The following SLC39A11 variants were observed in gnomAD, a reference collection of about 807,000 sequenced individuals.
SLC39A11 encodes zinc transporter ZIP11.
Under a neutral mutation model 36.1 loss-of-function variants are expected in SLC39A11, and 33 were observed. That is an observed-to-expected ratio of 0.91 (90% CI 0.69 to 1.22). The LOEUF (loss-of-function observed/expected upper bound fraction) is 1.22. Among genes scored for constraint, SLC39A11 ranks in the 50% most tolerant of loss-of-function variants. The pLI, the probability that SLC39A11 is intolerant of heterozygous loss-of-function variation, is 0.00. For synonymous variants in SLC39A11, 166 were observed against 170.3 expected, an observed-to-expected ratio of 0.97 and a Z score of 0.20; for missense variants, 432 against 430.3, an observed-to-expected ratio of 1.00 and a Z score of -0.03.
chr17:72,688,956 C>T (rs564153175), intron 7 of SLC39A11, among the ~76,000 whole-genome samples: 55 of 152,306 alleles, frequency 3.6e-4, no homozygotes, highest in African/African-American at 1.3e-3. Context: ...CCCGCAGGCT[C>T]TGGGTACCTC....
intron 5 of SLC39A11, among the ~76,000 whole-genome samples, chr17:72,927,919 G>T (rs538908709): frequency 6.6e-6 from 1 of 152,130 alleles, no homozygotes; most frequent in South Asian, 2.1e-4. Context: ...AACATTTGTA[G>T]TATCATCCTG....
chr17:72,736,686 A>AT lies in SLC39A11; in HGVS notation c.634dup (p.Ile212AsnfsTer10). The AT allele has an allele frequency of 1.2e-6, 2 of 1,614,088 alleles. No individual in the cohort carries two copies. The highest frequency in any genetic ancestry group is 1.7e-6 in the Non-Finnish European group (2 of 1,179,980). On this transcript the variant is annotated frameshift_variant, in exon 7 of 10. Coordinates refer to ENST00000255559, the MANE Select transcript of SLC39A11 (RefSeq NM_139177.4). LOFTEE classifies it high-confidence loss of function. ...AAAGGTAGCAGATGCCGTCTTTTCTATAGCCCCAAATCCAACTCCAACAGC... is the reference window on the plus strand; with the variant it reads ...AAAGGTAGCAGATGCCGTCTTTTCTATTAGCCCCAAATCCAACTCCAACAGC...
At chr17:72,780,525 G>GC (rs1403591504) in intron 6 of SLC39A11, among the ~76,000 whole-genome samples, 1 of 122,962 alleles carries the variant, frequency 8.1e-6, no homozygotes, top group Admixed American at 8.0e-5. Flanking sequence ...GAAGATGGGG[G>GC]GCGGGTGGGG....
chr17:72,858,289 T>C (rs2079765736), intron 5 of SLC39A11, among the ~76,000 whole-genome samples: 1 of 152,192 alleles, frequency 6.6e-6, no homozygotes, highest in African/African-American at 2.4e-5. Flanking sequence ...TGGTTGTAGA[T>C]GTTCAGCCTT....
At chr17:72,760,816 C>T (rs1020162451) in intron 6 of SLC39A11, among the ~76,000 whole-genome samples, 1 of 152,200 alleles carries the variant, frequency 6.6e-6, no homozygotes, top group Non-Finnish European at 1.5e-5. Flanking sequence ...CATGCCACCT[C>T]CGATGTCACT....
intron 6 of SLC39A11, among the ~76,000 whole-genome samples, chr17:72,836,398 C>A (rs1045124079): frequency 2.6e-5 from 4 of 151,140 alleles, no homozygotes; most frequent in South Asian, 2.1e-4. Flanking sequence ...TGGAGTGCAG[C>A]GGCACGATCT....
At chr17:72,949,394 C>T (rs1475197704) in intron 4 of SLC39A11, among the ~76,000 whole-genome samples, 3 of 151,842 alleles carry the variant, frequency 2.0e-5, no homozygotes, top group Non-Finnish European at 4.4e-5. Flanking sequence ...CTCCTGACCT[C>T]AAGTGATCCA....
chr17:73,045,879 C>T (rs1308138098), intron 3 of SLC39A11, among the ~76,000 whole-genome samples: 1 of 152,222 alleles, frequency 6.6e-6, no homozygotes, highest in African/African-American at 2.4e-5. Context: ...TTGCCCCAAG[C>T]TGCCTCCCGT....
At chr17:72,737,796 T>G (rs77419789) in intron 6 of SLC39A11, among the ~76,000 whole-genome samples, 2,627 of 152,130 alleles carry the variant, frequency 0.017, 71 homozygotes, top group African/African-American at 0.052. Flanking sequence ...CGCCCATCCC[T>G]AGATCCATCG....
At position 72,900,193 on chromosome 17, in the gene SLC39A11, GAAAGA is replaced by G. The variant is rs1269379350; in HGVS notation, c.430+47554_430+47558del. Among the ~76,000 whole-genome samples the G allele has an allele frequency of 6.8e-5, 10 of 146,044 alleles. 2 individuals carry two copies. The highest frequency in any genetic ancestry group is 2.6e-4 in the African/African-American group (10 of 38,446). ...AGAAAGAAAGAAAGAAAGAAAGAAA[GAAAGA>G]AAGAAAGAAAGAAAGAAAGAAAGAA... On this transcript the variant is annotated intron_variant, in intron 5 of 9. Transcript: ENST00000255559.
chr17:72,867,760 GCACACA>G (rs887444124), intron 5 of SLC39A11, among the ~76,000 whole-genome samples: 1,448 of 80,542 alleles, frequency 0.018, 15 homozygotes, highest in African/African-American at 0.069. Flanking sequence ...AAGTGCGCGC[GCACACA>G]CACACACACA....
At chr17:72,873,246 T>G (rs1336943140) in intron 5 of SLC39A11, among the ~76,000 whole-genome samples, 1 of 151,984 alleles carries the variant, frequency 6.6e-6, no homozygotes, top group African/African-American at 2.4e-5. Context: ...ATGGGAAACC[T>G]ATACCAAGAA....
At chr17:72,874,888 T>C (rs1319222361) in intron 5 of SLC39A11, among the ~76,000 whole-genome samples, 2 of 152,212 alleles carry the variant, frequency 1.3e-5, no homozygotes, top group Admixed American at 1.3e-4. Flanking sequence ...GACCCAGTCA[T>C]TCCTCGTTCT....
At chr17:72,957,169 G>A (rs899471171) in intron 4 of SLC39A11, among the ~76,000 whole-genome samples, 1 of 152,122 alleles carries the variant, frequency 6.6e-6, no homozygotes, top group Non-Finnish European at 1.5e-5. Context: ...CATCACAGAG[G>A]CCAAAGCATC....
At chr17:72,797,874 T>C (rs182410620) in intron 6 of SLC39A11, among the ~76,000 whole-genome samples, 150 of 152,168 alleles carry the variant, frequency 9.9e-4, no homozygotes, top group Non-Finnish European at 1.6e-3. Flanking sequence ...GAAGGGGAAG[T>C]CTAGAAGAAG....
At chr17:72,871,257 T>C (rs1190426294) in intron 5 of SLC39A11, among the ~76,000 whole-genome samples, 1 of 151,968 alleles carries the variant, frequency 6.6e-6, no homozygotes, top group East Asian at 1.9e-4. Context: ...GAGACAGGGT[T>C]TTACTATATG....
chr17:72,660,156 G>A (rs8078627), intron 7 of SLC39A11, among the ~76,000 whole-genome samples: 41,440 of 152,016 alleles, frequency 0.27, 5,718 homozygotes, highest in Admixed American at 0.29. Flanking sequence ...CTTCCAGCTC[G>A]TGTCAGCAGC....
intron 4 of SLC39A11, among the ~76,000 whole-genome samples, chr17:72,996,594 A>G (rs562922797): frequency 1.3e-5 from 2 of 152,012 alleles, no homozygotes; most frequent in Non-Finnish European, 2.9e-5. Flanking sequence ...CCATCTTTGC[A>G]TGGCCATCTC....
intron 5 of SLC39A11, among the ~76,000 whole-genome samples, chr17:72,923,080 G>T (rs1279129868): frequency 1.3e-5 from 2 of 150,828 alleles, no homozygotes; most frequent in African/African-American, 4.9e-5. Context: ...TTATCAGTCA[G>T]CTCTTTCTTG....
Sources: allele counts gnomAD v4.1 joint callset (sites outside exome capture counted in the v4.1 genomes callset), GRCh38; gene constraint gnomAD v4.1.1; transcripts MANE v1.5; gene names NCBI Gene and HGNC (gene_info 2026-07-23, HGNC 2026-07-21).